Variants in SLC37A2 observed in about 807,000 individuals in gnomAD.
SLC37A2 encodes the protein solute carrier family 37 member 2, also known as glucose-6-phosphate exchanger SLC37A2.
A neutral mutation model predicts 70.7 loss-of-function variants in SLC37A2; 59 were observed. The ratio of observed to expected loss-of-function variants is 0.83; its 90% confidence interval spans 0.68 to 1.04. The LOEUF (loss-of-function observed/expected upper bound fraction) is 1.04. SLC37A2 is among the 50% of genes least tolerant of loss of function. SLC37A2 has a pLI of 0.00. For synonymous variants in SLC37A2, 257 were observed against 262.1 expected (o/e 0.98, Z 0.19); for missense variants, 580 against 658.1 (o/e 0.88, Z 1.30).
At position 125,083,996 on chromosome 11, in the gene SLC37A2, G is replaced by T; in HGVS notation, c.1039+119G>T. On this transcript the variant is annotated intron_variant, in intron 11 of 17. Coordinates refer to ENST00000403796, the MANE Select transcript of SLC37A2 (RefSeq NM_001145290.2). The surrounding 1 kb of genome is among the most constrained non-coding windows in gnomAD (Gnocchi z 4.6). ...GGTAGGTGGCACCAGAGGAAAAATG[G>T]CTCCTGGGTTTATTCTCAGCTCTGA... 9.3e-7 allele frequency: 1 copy of T among 1,071,882 alleles called. No individual in the cohort carries two copies. The allele number at this position is 1,071,882 out of a possible 1,614,324, so 66.4% of individuals were successfully genotyped here.
chr11:125,070,432 A>G (rs1365805932), intron 1 of SLC37A2, among the ~76,000 whole-genome samples: 2 of 152,132 alleles, frequency 1.3e-5, no homozygotes, highest in Non-Finnish European at 2.9e-5. Flanking sequence ...GCAGGGGAAT[A>G]TGATCTTATT....
chr11:125,081,489 G>C, intron 8 of SLC37A2, 31 bp downstream of exon 8: 2 of 1,598,534 alleles, frequency 1.3e-6, no homozygotes, highest in South Asian at 2.3e-5. Flanking sequence ...CCCTATCCCT[G>C]CCCTCCAACT....
chr11:125,063,376 C>T lies in SLC37A2; in HGVS notation c.9C>T (p.Ser3=), dbSNP rs1427211272. The T allele has an allele frequency of 4.3e-6, 7 of 1,611,782 alleles. No individual in the cohort carries two copies. In the East Asian group the frequency reaches 1.1e-4, roughly 26 times the overall value. ...GGTACCGGTCAGGCAAAATGCGGTC[C>T]TCCCTGGCTCCGGGAGTCTGGTTCT... MR[S]SLAPGVWFFR... is the part of the protein sequence containing the mutation. Residue 3 remains serine, a synonymous_variant, in exon 1 of 18, where the codon TCC becomes TCT. Transcript: ENST00000403796. This position sits in a 1 kb window ranked among gnomAD's most constrained non-coding sequence, Gnocchi z 5.4.
chr11:125,074,353 G>A (rs183334170), intron 1 of SLC37A2, among the ~76,000 whole-genome samples: 204 of 152,160 alleles, frequency 1.3e-3, no homozygotes, highest in Non-Finnish European at 2.4e-3. Context: ...GCCCAGGCAG[G>A]TGGAGATTCC....
Position 125,063,512 on chromosome 11 carries a change from A to G in SLC37A2, c.59+86A>G. The stretch of plus-strand genomic sequence containing the variant: ...CGCGGGGGGCCTCGGAGATCACCCC[A>G]GATCGGCCCCGGCGTCGCCGCGTGG... On this transcript the variant is annotated intron_variant, in intron 1 of 17. Coordinates refer to ENST00000403796, the MANE Select transcript of SLC37A2 (RefSeq NM_001145290.2). The surrounding 1 kb of genome is among the most constrained non-coding windows in gnomAD (Gnocchi z 5.4). 1 of 1,301,424 alleles carries G rather than the reference A, an allele frequency of 7.7e-7. No homozygotes were observed. The highest frequency in any genetic ancestry group is 1.3e-5 in the South Asian group (1 of 78,012). 80.6% of individuals were successfully genotyped at this position (1,301,424 alleles called of 1,614,324 possible). A position where few individuals can be genotyped will look rare whatever the true frequency, so the allele number is the denominator to read the frequency against.
chr11:125,078,791 ATGTGATG>A (rs1565397464), intron 4 of SLC37A2, among the ~76,000 whole-genome samples: 44 of 149,594 alleles, frequency 2.9e-4, no homozygotes, highest in African/African-American at 1.1e-3. Flanking sequence ...GAAGATATGC[ATGTGATG>A]CCTGTGGAGC....
chr11:125,088,332 T>G lies in SLC37A2; in HGVS notation c.*198T>G, dbSNP rs1446565186. On this transcript the variant is annotated 3_prime_UTR_variant, in exon 18 of 18. Transcript: ENST00000403796. ...AAGGGGACTGCCAAGCATGAGGAAA[T>G]AGAAGATTCAGGGGCCTGAGCTCTG... The G allele has an allele frequency of 1.9e-5, 12 of 624,374 alleles. No individual in the cohort carries two copies. In the East Asian group the frequency reaches 2.8e-4, roughly 14 times the overall value. 38.7% of individuals were successfully genotyped at this position (624,374 alleles called of 1,614,324 possible). A position where few individuals can be genotyped will look rare whatever the true frequency, so the allele number is the denominator to read the frequency against.
intron 4 of SLC37A2, among the ~76,000 whole-genome samples, chr11:125,078,412 T>G (rs998685720): frequency 6.6e-6 from 1 of 152,068 alleles, no homozygotes; most frequent in African/African-American, 2.4e-5. Flanking sequence ...TCATACAGAG[T>G]GACCAATTTG....
In SLC37A2 at chr11:125,079,187, G is replaced by A. The variant is rs745927760; in HGVS notation, c.390G>A (p.Ser130=). The A allele has an allele frequency of 4.6e-5, 74 of 1,614,062 alleles. No individual in the cohort carries two copies. Among genetic ancestry groups the A allele is most frequent in the East Asian group, 1.6e-4 (7 of 44,894 alleles). ...TGCTGCTCAGTGGCCTTTTCACCTC[G>A]CTCTTTGGCCTGGGATATTTCTGGA... ...AGMLLSGLFT[S]LFGLGYFWNI... is the part of the protein sequence containing the mutation. Residue 130 remains serine, a synonymous_variant, in exon 5 of 18, where the codon TCG becomes TCA. Coordinates refer to ENST00000403796, the MANE Select transcript of SLC37A2 (RefSeq NM_001145290.2).
chr11:125,090,250 G>A lies in SLC37A2; in HGVS notation c.*2116G>A, dbSNP rs1949270756. 6.6e-6 allele frequency: 1 copy of A among 152,088 alleles called. No homozygotes were observed. Among genetic ancestry groups the A allele is most frequent in the African/African-American group, 2.4e-5 (1 of 41,394 alleles). 9.4% of individuals were successfully genotyped at this position (152,088 alleles called of 1,614,324 possible). A position where few individuals can be genotyped will look rare whatever the true frequency, so the allele number is the denominator to read the frequency against. On this transcript the variant is annotated 3_prime_UTR_variant, in exon 18 of 18. Coordinates refer to ENST00000403796, the MANE Select transcript of SLC37A2 (RefSeq NM_001145290.2). Reference sequence around the variant, plus strand: ...CACTCTGTATCTAGCTGCTCTGGTGGGGCCTTGGAGAACCTGTGTGTCGAA... The same window carrying A: ...CACTCTGTATCTAGCTGCTCTGGTGAGGCCTTGGAGAACCTGTGTGTCGAA...
At position 125,084,171 on chromosome 11, in the gene SLC37A2, G is replaced by A. The variant is rs893725441; in HGVS notation, c.1040-63G>A. The A allele has an allele frequency of 1.7e-5, 27 of 1,578,186 alleles. No homozygotes were observed. In the African/African-American group the frequency reaches 3.1e-4, roughly 18 times the overall value. On this transcript the variant is annotated intron_variant, in intron 11 of 17. Transcript: ENST00000403796. ...GCCAGCACTGGGGCACAGCTGGGGT[G>A]CCAGGCGAGGGGATGGCAGGGTCCT...
Position 125,083,739 on chromosome 11 carries a change from C to T in SLC37A2, c.977-76C>T. 1 of 1,330,960 alleles carries T rather than the reference C, an allele frequency of 7.5e-7. No homozygotes were observed. Among genetic ancestry groups the T allele is most frequent in the Non-Finnish European group, 1.1e-6 (1 of 922,598 alleles). 82.4% of individuals were successfully genotyped at this position (1,330,960 alleles called of 1,614,324 possible). ...GGGCAGTGGTCTGGATCACGCTCTGCAGGGCTTCTAGCTGTGACACTCCAG... is the reference window on the plus strand; with the variant it reads ...GGGCAGTGGTCTGGATCACGCTCTGTAGGGCTTCTAGCTGTGACACTCCAG... On this transcript the variant is annotated intron_variant, in intron 10 of 17. Transcript: ENST00000403796. This position sits in a 1 kb window ranked among gnomAD's most constrained non-coding sequence, Gnocchi z 4.6.
chr11:125,085,123 C>T lies in SLC37A2; in HGVS notation c.1232C>T (p.Ala411Val), dbSNP rs1440626216. ...GGCCCATACGCGCTCATCACCACTG[C>T]TGTCTCTGCTGATCTGGTGAGTGGG... ...VNGPYALITT[A>V]VSADLGTHKS... Residue 411 changes from alanine (A) to valine (V), a missense_variant, in exon 14 of 18, where the codon GCT becomes GTT. Ala to Val is a moderately conservative substitution (Grantham distance 64). Coordinates refer to ENST00000403796, the MANE Select transcript of SLC37A2 (RefSeq NM_001145290.2). The T allele has an allele frequency of 5.0e-6, 8 of 1,613,870 alleles. No individual in the cohort carries two copies. Among genetic ancestry groups the T allele is most frequent in the Admixed American group, 3.3e-5 (2 of 60,008 alleles).
chr11:125,078,077 C>T (rs564233835), intron 4 of SLC37A2, among the ~76,000 whole-genome samples: 20 of 152,242 alleles, frequency 1.3e-4, no homozygotes, highest in African/African-American at 4.1e-4. Context: ...GCAGAGGGGT[C>T]GGGGATGCTT....
chr11:125,086,302 G>T, intron 17 of SLC37A2: 3 of 1,423,944 alleles, frequency 2.1e-6, no homozygotes, highest in Admixed American at 1.7e-5. Context: ...TGCCATTTGA[G>T]TGGGGGCTGC....
chr11:125,083,715 G>A lies in SLC37A2; in HGVS notation c.977-100G>A, dbSNP rs371033043. Reference sequence around the variant, plus strand: ...TCCCCAGCTCTTCCTCGGAAAAGGGGGCAGTGGTCTGGATCACGCTCTGCA... The same window carrying A: ...TCCCCAGCTCTTCCTCGGAAAAGGGAGCAGTGGTCTGGATCACGCTCTGCA... On this transcript the variant is annotated intron_variant, in intron 10 of 17. Coordinates refer to ENST00000403796, the MANE Select transcript of SLC37A2 (RefSeq NM_001145290.2). The surrounding 1 kb of genome is among the most constrained non-coding windows in gnomAD (Gnocchi z 4.6). 1 of 1,059,232 alleles carries A rather than the reference G, an allele frequency of 9.4e-7. No individual in the cohort carries two copies. The highest frequency in any genetic ancestry group is 2.4e-5 in the East Asian group (1 of 41,872). 65.6% of individuals were successfully genotyped at this position (1,059,232 alleles called of 1,614,324 possible).
In SLC37A2 at chr11:125,085,558, G is replaced by C; in HGVS notation, c.1328-19G>C. On this transcript the variant is annotated intron_variant, in intron 15 of 17. Transcript: ENST00000403796. ...GGGGAGGTGCAGGACCCCTGCTCAC[G>C]AGGCTGTGCTCCATTCAGGTGCGGC... 6.2e-7 allele frequency: 1 copy of C among 1,613,694 alleles called. No individual in the cohort carries two copies. The highest frequency in any genetic ancestry group is 8.5e-7 in the Non-Finnish European group (1 of 1,179,948).
chr11:125,064,369 AAAAGG>A (rs201681911), intron 1 of SLC37A2, among the ~76,000 whole-genome samples: 2,235 of 152,198 alleles, frequency 0.015, 55 homozygotes, highest in African/African-American at 0.051. Context: ...TAGAAGTAAA[AAAAGG>A]AAAGAAAAGA....
chr11:125,079,887 GT>G (rs1949128933), intron 6 of SLC37A2, 127 bp downstream of exon 6: 1 of 708,414 alleles, frequency 1.4e-6, no homozygotes, highest in Admixed American at 2.2e-5. Flanking sequence ...TGCTGTTCAC[GT>G]GCTTAGAAGT....
Sources: gnomAD v4.1 joint callset for allele counts (sites outside exome capture counted in the v4.1 genomes callset) on GRCh38, gnomAD v4.1.1 for gene constraint, Gnocchi (gnomAD v3.1) non-coding constraint, MANE v1.5 for transcripts, NCBI Gene and HGNC (gene_info 2026-07-23, HGNC 2026-07-21) for gene names.